The following SUPT3H variants were observed in gnomAD, a reference collection of about 807,000 sequenced individuals.
SUPT3H encodes transcription initiation protein SPT3 homolog.
SUPT3H carries 44 observed loss-of-function variants against 44.3 expected under a neutral mutation model. The ratio of observed to expected loss-of-function variants is 0.99; its 90% CI spans 0.78 to 1.28. The LOEUF is 1.28. SUPT3H is among the 50% of genes most tolerant of loss of function. SUPT3H has a pLI of 0.00. For missense variants in SUPT3H, 380 were observed against 387.1 expected, an observed-to-expected ratio of 0.98 and a Z score of 0.15; for synonymous variants, 124 against 125.6, an observed-to-expected ratio of 0.99 and a Z score of 0.09.
intron 2 of SUPT3H, among the ~76,000 whole-genome samples, chr6:45,226,111 A>G (rs1386668194): frequency 2.0e-5 from 3 of 152,212 alleles, no homozygotes; most frequent in Non-Finnish European, 4.4e-5. Context: ...CTTTACATTT[A>G]TCAGTGAATT....
At chr6:45,180,808 G>A (rs1042013920) in intron 2 of SUPT3H, among the ~76,000 whole-genome samples, 1 of 151,800 alleles carries the variant, frequency 6.6e-6, no homozygotes, top group African/African-American at 2.4e-5. Flanking sequence ...ATAGGCATGG[G>A]CAAGGACTTC....
intron 3 of SUPT3H, among the ~76,000 whole-genome samples, chr6:45,021,428 T>A (rs1284077902): frequency 6.6e-6 from 1 of 151,926 alleles, no homozygotes; most frequent in Middle Eastern, 3.2e-3. Context: ...ACTCAATTTC[T>A]TATTTTGATT....
chr6:45,020,316 T>G (rs114261949), intron 4 of SUPT3H, among the ~76,000 whole-genome samples: 9 of 152,096 alleles, frequency 5.9e-5, no homozygotes, highest in East Asian at 1.9e-4. Context: ...CGCATAAGGA[T>G]AAGTGAGGGT....
chr6:44,920,846 C>G (rs950866378), intron 10 of SUPT3H, among the ~76,000 whole-genome samples: 6 of 152,272 alleles, frequency 3.9e-5, no homozygotes, highest in African/African-American at 1.4e-4. Context: ...TTTCATACAT[C>G]TATTTTATTT....
At chr6:45,231,108 T>C (rs2153640102) in intron 2 of SUPT3H, among the ~76,000 whole-genome samples, 1 of 152,360 alleles carries the variant, frequency 6.6e-6, no homozygotes, top group South Asian at 2.1e-4. Flanking sequence ...TGATTGATTG[T>C]CCTTGTAGTT....
At chr6:44,961,917 T>C in intron 6 of SUPT3H, 89 bp from the exon 7 acceptor site, 8 of 981,040 alleles carry the variant, frequency 8.2e-6, no homozygotes, top group Non-Finnish European at 1.2e-5. Context: ...AAGTACCATT[T>C]TCCTTTCCTT....
intron 2 of SUPT3H, among the ~76,000 whole-genome samples, chr6:45,219,002 A>G (rs548321239): frequency 6.6e-6 from 1 of 152,304 alleles, no homozygotes; most frequent in Non-Finnish European, 1.5e-5. Context: ...CACACTTCTA[A>G]ATAATCCATG....
intron 1 of SUPT3H, among the ~76,000 whole-genome samples, chr6:45,369,463 C>T (rs1243324553): frequency 6.6e-6 from 1 of 152,092 alleles, no homozygotes; most frequent in Non-Finnish European, 1.5e-5. Flanking sequence ...GTTGAATGAG[C>T]CTCTGTCCCA....
chr6:45,200,270 T>C (rs1030818596), intron 2 of SUPT3H, among the ~76,000 whole-genome samples: 1 of 151,510 alleles, frequency 6.6e-6, no homozygotes, highest in Non-Finnish European at 1.5e-5. Flanking sequence ...TGTTCTCTAA[T>C]TGTATTATCA....
intron 2 of SUPT3H, chr6:45,328,267 A>G: frequency 7.4e-7 from 1 of 1,354,344 alleles, no homozygotes; most frequent in Non-Finnish European, 9.8e-7. Flanking sequence ...CCTCTCCAGT[A>G]ATAGTGCTTG....
At chr6:45,062,965 C>A (rs1792432382) in intron 3 of SUPT3H, among the ~76,000 whole-genome samples, 1 of 151,784 alleles carries the variant, frequency 6.6e-6, no homozygotes. Context: ...CACCACAGCT[C>A]AAGGAGACCT....
chr6:45,212,491 G>C (rs1764276455), intron 2 of SUPT3H, among the ~76,000 whole-genome samples: 1 of 16,666 alleles, frequency 6.0e-5, no homozygotes. Flanking sequence ...ATGTGTGTGT[G>C]TGTGTGTGTG....
At chr6:45,092,714 C>T (rs1264132854) in intron 3 of SUPT3H, among the ~76,000 whole-genome samples, 1 of 146,118 alleles carries the variant, frequency 6.8e-6, no homozygotes, top group Non-Finnish European at 1.5e-5. Flanking sequence ...TGTGCCATCG[C>T]ACTCCAGCCT....
intron 2 of SUPT3H, among the ~76,000 whole-genome samples, chr6:45,183,935 A>T (rs1205099117): frequency 6.6e-6 from 1 of 152,200 alleles, no homozygotes; most frequent in Non-Finnish European, 1.5e-5. Flanking sequence ...TGAGGAAGTG[A>T]AAGATGAAGG....
chr6:45,096,991 G>A (rs1349222644), intron 3 of SUPT3H, among the ~76,000 whole-genome samples: 1 of 152,000 alleles, frequency 6.6e-6, no homozygotes, highest in East Asian at 1.9e-4. Context: ...CTGAAAAAAT[G>A]CTGTAGGACA....
intron 6 of SUPT3H, among the ~76,000 whole-genome samples, chr6:44,992,334 G>A (rs1157401295): frequency 6.6e-6 from 1 of 152,086 alleles, no homozygotes; most frequent in East Asian, 1.9e-4. Context: ...ATCCGTTTAG[G>A]CAAGACTAAA....
chr6:45,188,360 T>A (rs1159205657), intron 2 of SUPT3H, among the ~76,000 whole-genome samples: 1 of 152,236 alleles, frequency 6.6e-6, no homozygotes, highest in African/African-American at 2.4e-5. Flanking sequence ...GGAAAAAGAT[T>A]TTCTTGCTAG....
At chr6:45,093,119 C>A (rs1477411805) in intron 3 of SUPT3H, among the ~76,000 whole-genome samples, 2 of 151,866 alleles carry the variant, frequency 1.3e-5, no homozygotes, top group Non-Finnish European at 2.9e-5. Flanking sequence ...GAGTTCATAT[C>A]AGAATCTAAA....
intron 2 of SUPT3H, among the ~76,000 whole-genome samples, chr6:45,127,097 T>C (rs1375842017): frequency 6.6e-6 from 1 of 152,094 alleles, no homozygotes; most frequent in East Asian, 1.9e-4. Flanking sequence ...GGGCAGATCA[T>C]GAGGTCAGGA....
Sources: gnomAD v4.1 joint callset for allele counts (sites outside exome capture counted in the v4.1 genomes callset) on GRCh38, gnomAD v4.1.1 for gene constraint, MANE v1.5 for transcripts, NCBI Gene and HGNC (gene_info 2026-07-23, HGNC 2026-07-21) for gene names.